CSGALNACT1: variants seen among roughly 807,000 people sequenced by gnomAD.
CSGALNACT1 encodes chondroitin sulfate N-acetylgalactosaminyltransferase 1, also known as beta4GalNAcT-1.
CSGALNACT1 carries 52 observed loss-of-function variants against 51.0 expected under a neutral mutation model. The ratio of observed to expected loss-of-function variants is 1.02; its 90% CI spans 0.82 to 1.29. CSGALNACT1 has a LOEUF of 1.29. CSGALNACT1 is among the 50% of genes most tolerant of loss of function. CSGALNACT1 has a pLI of 0.00. For missense variants in CSGALNACT1, 935 were observed against 679.2 expected, an observed-to-expected ratio of 1.38 and a Z score of -4.19; for synonymous variants, 341 against 254.4, an observed-to-expected ratio of 1.34 and a Z score of -3.24.
intron 1 of CSGALNACT1, among the ~76,000 whole-genome samples, chr8:19,714,975 T>C (rs1053208944): frequency 6.6e-6 from 1 of 152,192 alleles, no homozygotes; most frequent in Admixed American, 6.5e-5. Context: ...TGTATTCTTG[T>C]GTACTTGTAT....
chr8:19,473,697 T>C (rs567746613), intron 4 of CSGALNACT1, among the ~76,000 whole-genome samples: 27 of 152,314 alleles, frequency 1.8e-4, no homozygotes, highest in African/African-American at 2.9e-4. Context: ...CTTAGAAGCA[T>C]TGGTTTTGTT....
At chr8:19,532,528 C>T (rs2082971170) in intron 3 of CSGALNACT1, among the ~76,000 whole-genome samples, 1 of 152,222 alleles carries the variant, frequency 6.6e-6, no homozygotes, top group African/African-American at 2.4e-5. Flanking sequence ...CAAATCCTCA[C>T]CACAGCTGCC....
intron 5 of CSGALNACT1, among the ~76,000 whole-genome samples, chr8:19,452,409 C>A (rs2063331382): frequency 1.1e-5 from 1 of 93,068 alleles, no homozygotes; most frequent in Admixed American, 1.4e-4. Context: ...TGTGAACTAA[C>A]CCCTGGGGGA....
At chr8:19,683,747 T>C (rs1450832266), upstream of CSGALNACT1, among the ~76,000 whole-genome samples, 1 of 152,132 alleles carries the variant, frequency 6.6e-6, no homozygotes, top group Non-Finnish European at 1.5e-5. Flanking sequence ...TTTCTACAGC[T>C]TGGCAAAAAT....
intron 6 of CSGALNACT1, among the ~76,000 whole-genome samples, chr8:19,428,091 G>A (rs1585751534): frequency 6.6e-6 from 1 of 152,086 alleles, no homozygotes; most frequent in South Asian, 2.1e-4. Context: ...TTAGCTCATT[G>A]CATGTGCCAT....
chr8:19,493,363 C>G, intron 4 of CSGALNACT1, among the ~76,000 whole-genome samples: 1 of 152,148 alleles, frequency 6.6e-6, no homozygotes, highest in Non-Finnish European at 1.5e-5. Flanking sequence ...CAATTCACCC[C>G]TTTAAAGCAG....
Position 19,637,839 on chromosome 8 carries a change from G to GTTT in CSGALNACT1, c.-543-35977_-543-35975dup, listed in dbSNP as rs11461273. 7.2e-4 allele frequency among the ~76,000 whole-genome samples: 103 copies of GTTT among 143,782 alleles called. 1 individual carries two copies. Among genetic ancestry groups the GTTT allele is most frequent in the African/African-American group, 1.9e-3 (74 of 38,904 alleles). 94.3% of individuals were successfully genotyped at this position (143,782 alleles called of 152,430 possible). A position where few individuals can be genotyped will look rare whatever the true frequency, so the allele number is the denominator to read the frequency against. On this transcript the variant is annotated intron_variant, in intron 1 of 9. Transcript: ENST00000332246. ...AATGTTCTCGAAATCAGCCTGACCA[G>GTTT]TTTTTTTTTTTTTTTTTAAACAAAC...
intron 1 of CSGALNACT1, among the ~76,000 whole-genome samples, chr8:19,740,382 A>G (rs1002546509): frequency 6.6e-6 from 1 of 152,180 alleles, no homozygotes; most frequent in African/African-American, 2.4e-5. Context: ...TGCTCTCTCT[A>G]GGCTTGGGGT....
chr8:19,652,704 T>C (rs2057921487), intron 1 of CSGALNACT1, among the ~76,000 whole-genome samples: 1 of 152,218 alleles, frequency 6.6e-6, no homozygotes, highest in Non-Finnish European at 1.5e-5. Flanking sequence ...CCCCACCTCC[T>C]GCTGTTCCAC....
intron 1 of CSGALNACT1, among the ~76,000 whole-genome samples, chr8:19,674,773 T>C (rs1314177553): frequency 6.6e-6 from 1 of 152,056 alleles, no homozygotes; most frequent in Non-Finnish European, 1.5e-5. Flanking sequence ...GATGGCTCTG[T>C]ATGTGAGAAA....
At chr8:19,486,703 T>C (rs2073035144) in intron 4 of CSGALNACT1, among the ~76,000 whole-genome samples, 1 of 152,190 alleles carries the variant, frequency 6.6e-6, no homozygotes, top group Non-Finnish European at 1.5e-5. Flanking sequence ...TGTATTATCG[T>C]CCACTGAAGC....
intron 1 of CSGALNACT1, among the ~76,000 whole-genome samples, chr8:19,637,482 G>C (rs2056227231): frequency 6.6e-6 from 1 of 152,010 alleles, no homozygotes; most frequent in Non-Finnish European, 1.5e-5. Flanking sequence ...CCTTCTGTTA[G>C]GTCTTGATTA....
chr8:19,417,160 C>T (rs1776353183), intron 8 of CSGALNACT1, among the ~76,000 whole-genome samples: 1 of 152,102 alleles, frequency 6.6e-6, no homozygotes, highest in Non-Finnish European at 1.5e-5. Context: ...CAGCTGAAAA[C>T]TGATTCTTAA....
chr8:19,516,272 A>T (rs545589883), intron 3 of CSGALNACT1, among the ~76,000 whole-genome samples: 84 of 152,320 alleles, frequency 5.5e-4, no homozygotes, highest in African/African-American at 1.8e-3. Context: ...AGCTTAAAGC[A>T]ATGAAGTAAC....
intron 1 of CSGALNACT1, among the ~76,000 whole-genome samples, chr8:19,752,756 A>C (rs1385216961): frequency 6.6e-6 from 1 of 152,234 alleles, no homozygotes; most frequent in Non-Finnish European, 1.5e-5. Flanking sequence ...TGTGAAAATG[A>C]AACAAATTAT....
chr8:19,745,563 G>A (rs1198923775), intron 1 of CSGALNACT1, among the ~76,000 whole-genome samples: 1 of 152,216 alleles, frequency 6.6e-6, no homozygotes, highest in African/African-American at 2.4e-5. Flanking sequence ...CTAGCTGGAT[G>A]TGCACAGATG....
intron 6 of CSGALNACT1, among the ~76,000 whole-genome samples, chr8:19,428,736 C>T (rs2059169063): frequency 6.6e-6 from 1 of 151,990 alleles, no homozygotes; most frequent in South Asian, 2.1e-4. Context: ...TTTGGTTCCA[C>T]AGAGGGAAAG....
intron 1 of CSGALNACT1, among the ~76,000 whole-genome samples, chr8:19,716,182 G>A (rs1177003410): frequency 7.2e-5 from 11 of 151,806 alleles, no homozygotes; most frequent in South Asian, 4.2e-4. Flanking sequence ...TCTTGCTCCC[G>A]TCCCAAAATA....
At chr8:19,649,819 CAAAAAA>C (rs57549612) in intron 1 of CSGALNACT1, among the ~76,000 whole-genome samples, 14 of 29,412 alleles carry the variant, frequency 4.8e-4, no homozygotes, top group South Asian at 2.4e-3. Flanking sequence ...TTCCAAGTAG[CAAAAAA>C]AAAAAAAAAA....
Sources: allele counts gnomAD v4.1 joint callset (sites outside exome capture counted in the v4.1 genomes callset), GRCh38; gene constraint gnomAD v4.1.1; transcripts MANE v1.5; gene names NCBI Gene and HGNC (gene_info 2026-07-23, HGNC 2026-07-21).